The following TMEM235 variants were observed in gnomAD, a reference collection of about 807,000 sequenced individuals.
The protein encoded by TMEM235 is claudin-27.
TMEM235 carries 23 observed loss-of-function variants against 22.9 expected under a neutral mutation model. The ratio of observed to expected loss-of-function variants is 1.00; its 90% CI spans 0.72 to 1.42. The LOEUF (loss-of-function observed/expected upper bound fraction) is 1.42. TMEM235 is among the 40% of genes most tolerant of loss of function. The pLI is 0.00. For synonymous variants in TMEM235, 137 were observed against 140.5 expected (o/e 0.98, Z 0.17); for missense variants, 308 against 299.5 (o/e 1.03, Z -0.21).
rs764214531 is a variant in TMEM235, at chr17:78,234,663, C to T, written c.342C>T (p.Gly114=). The change falls in exon 4 of 6, where the codon GGC becomes GGT. Residue 114 remains glycine (G), a synonymous_variant. Coordinates refer to ENST00000421688, the Ensembl canonical transcript of TMEM235. ...TTCTCGTGTGTGGCTGGATCTGCGG[C>T]CTGCTCAGCTCCCTGGCCCAGAGCG... 2.6e-6 allele frequency: 4 copies of T among 1,536,204 alleles called. No individual in the cohort carries two copies. The South Asian group carries it at 3.6e-5, about 14-fold the overall frequency.
At position 78,236,221 on chromosome 17, in the gene TMEM235, G is replaced by T. The variant is rs1045824965; in HGVS notation, c.409+1491G>T. ...GGCAACCCCAGGACCTGCTCTACTG[G>T]GTCAGATCATGCGGGGGGGCCTGGG... On this transcript the variant is annotated intron_variant, in intron 4 of 5. Transcript: ENST00000421688. Among the ~76,000 whole-genome samples the T allele has an allele frequency of 5.0e-4, 76 of 152,194 alleles. 1 individual carries two copies. The highest frequency in any genetic ancestry group is 9.8e-4 in the Admixed American group (15 of 15,272).
exon 6 of TMEM235, chr17:78,240,729 GA>G: frequency 6.6e-6 from 1 of 152,336 alleles, no homozygotes; most frequent in Non-Finnish European, 1.5e-5. Context: ...AAAGGTTAAG[GA>G]AGCTCCTGGG....
At chr17:78,232,270 C>T (rs2076591221) in intron 2 of TMEM235, 57 bp downstream of exon 1, 1 of 1,380,930 alleles carries the variant, frequency 7.2e-7, no homozygotes, top group Admixed American at 3.2e-5. Context: ...TCCGACACCC[C>T]CTTAACCCCG....
At chr17:78,235,290 CTT>C (rs369121426) in intron 4 of TMEM235, among the ~76,000 whole-genome samples, 9 of 143,954 alleles carry the variant, frequency 6.3e-5, no homozygotes, top group Admixed American at 1.4e-4. Flanking sequence ...GTGTTACACA[CTT>C]TTTTTTTTTT....
chr17:78,239,225 T>A, exon 5 of TMEM235: 2 of 1,543,168 alleles, frequency 1.3e-6, no homozygotes, highest in Non-Finnish European at 1.7e-6. Context: ...ACCCTCAGCC[T>A]GAGCCCCCCA....
chr17:78,235,606 T>TTG (rs1567874331), intron 4 of TMEM235, among the ~76,000 whole-genome samples: 1 of 148,046 alleles, frequency 6.8e-6, no homozygotes, highest in Non-Finnish European at 1.5e-5. Flanking sequence ...ATAGTTTTTT[T>TTG]TTTTTTTTTT....
chr17:78,231,688 G>A (rs1279935007), exon 2 of TMEM235: 1 of 1,288,506 alleles, frequency 7.8e-7, no homozygotes, highest in Non-Finnish European at 1.0e-6. Flanking sequence ...AGGAGCCGGG[G>A]GTTCAGGGAA....
chr17:78,232,234 CCCT>C, intron 2 of TMEM235, 21 bp downstream of exon 1: 4 of 1,429,768 alleles, frequency 2.8e-6, no homozygotes, highest in Non-Finnish European at 3.6e-6. Context: ...ACCGCGCCGG[CCCT>C]CCTCCCTCCG....
At chr17:78,231,490 C>T (rs1431044366) in exon 2 of TMEM235, 2 of 1,303,934 alleles carry the variant, frequency 1.5e-6, no homozygotes, top group African/African-American at 3.0e-5. Flanking sequence ...TCTGGTTGGT[C>T]CTCAGGACTG....
intron 2 of TMEM235, 122 bp downstream of exon 1, chr17:78,232,335 G>C (rs1462750726): frequency 2.1e-6 from 2 of 964,788 alleles, no homozygotes; most frequent in Non-Finnish European, 2.8e-6. Context: ...CTTGCATCCC[G>C]CTCTGCCCCA....
chr17:78,240,942 C>T (rs1261364892), exon 6 of TMEM235: 1 of 152,258 alleles, frequency 6.6e-6, no homozygotes, highest in Non-Finnish European at 1.5e-5. Flanking sequence ...ATAGGTAACA[C>T]ATGCCTGTCT....
intron 1 of TMEM235, chr17:78,231,405 C>T (rs763482125): frequency 7.8e-7 from 1 of 1,282,680 alleles, no homozygotes; most frequent in Non-Finnish European, 1.0e-6. Flanking sequence ...ATGAGTGAAT[C>T]CAAAACAAGG....
At chr17:78,232,101 C>A in exon 2 of TMEM235, 1 of 1,472,912 alleles carries the variant, frequency 6.8e-7, no homozygotes, top group South Asian at 1.3e-5. Flanking sequence ...CCGCCGCGGT[C>A]GCCAGCGACT....
At chr17:78,234,404 C>A in intron 3 of TMEM235, 189 bp from the exon 3 acceptor site, 1 of 870,190 alleles carries the variant, frequency 1.1e-6, no homozygotes, top group Non-Finnish European at 1.9e-6. Flanking sequence ...GGGGACGCCT[C>A]CCCTCCTGGC....
chr17:78,231,867 C>T, exon 2 of TMEM235: 1 of 1,143,258 alleles, frequency 8.7e-7, no homozygotes, highest in Non-Finnish European at 1.1e-6. Context: ...AGGGGGCCCG[C>T]GAGGCCAGTG....
In TMEM235 at chr17:78,233,995, A is replaced by G. The variant is rs528411661; in HGVS notation, c.271+20A>G. The G allele has an allele frequency of 1.1e-5, 17 of 1,504,622 alleles. No homozygotes were observed. In the African/African-American group the frequency reaches 1.9e-4, roughly 17 times the overall value. 93.2% of individuals were successfully genotyped at this position (1,504,622 alleles called of 1,614,324 possible). ...TCATCTGTGAGTCCTGGGTGGGGCC[A>G]CCTCCCCATCCTTTCCAAATATTCA... On this transcript the variant is annotated intron_variant, in intron 3 of 5. Transcript: ENST00000421688.
chr17:78,234,352 G>A, intron 3 of TMEM235: 1 of 717,048 alleles, frequency 1.4e-6, no homozygotes, highest in Non-Finnish European at 2.5e-6. Context: ...CTGGCGGGTT[G>A]GGGGACATGT....
intron 4 of TMEM235, among the ~76,000 whole-genome samples, chr17:78,236,780 G>GT (rs1317337887): frequency 3.3e-5 from 5 of 152,206 alleles, no homozygotes; most frequent in African/African-American, 1.2e-4. Flanking sequence ...TGTTTCTCTG[G>GT]GAGGCCTCTG....
chr17:78,236,178 G>T (rs1216028014), intron 4 of TMEM235, among the ~76,000 whole-genome samples: 2 of 152,210 alleles, frequency 1.3e-5, no homozygotes, highest in Non-Finnish European at 2.9e-5. Flanking sequence ...TTGGTGCGGG[G>T]GGCATGAGGG....
Sources: gnomAD v4.1 joint callset for allele counts (sites outside exome capture counted in the v4.1 genomes callset) on GRCh38, gnomAD v4.1.1 for gene constraint, MANE v1.5 for transcripts, NCBI Gene and HGNC (gene_info 2026-07-23, HGNC 2026-07-21) for gene names.